ZFAT: variants seen among roughly 807,000 people sequenced by gnomAD.
ZFAT encodes zinc finger protein ZFAT.
In ZFAT, 64 loss-of-function variants were observed where a neutral mutation model predicts 117.7. That is an observed-to-expected ratio of 0.54 (90% CI 0.44 to 0.67). The LOEUF (loss-of-function observed/expected upper bound fraction) is 0.67. Among genes scored for constraint, ZFAT ranks in the 30% least tolerant of loss-of-function variants. The pLI, the probability that ZFAT is intolerant of heterozygous loss-of-function variation, is 0.00. For missense variants in ZFAT, 1,433 were observed against 1,584.5 expected, an observed-to-expected ratio of 0.90 and a Z score of 1.62; for synonymous variants, 679 against 615.0, an observed-to-expected ratio of 1.10 and a Z score of -1.54.
At chr8:134,819,374 A>T in the ZFAT span, among the ~76,000 whole-genome samples, 5 of 152,098 alleles carry the variant, frequency 3.3e-5, no homozygotes, top group East Asian at 9.6e-4. Flanking sequence ...AAGAAAAGTA[A>T]TCACTTTTAA....
At chr8:134,590,186 T>A in intron 8 of ZFAT, 82 bp downstream of exon 8, 1 of 1,029,784 alleles carries the variant, frequency 9.7e-7, no homozygotes, top group Non-Finnish European at 1.5e-6. Flanking sequence ...TTCTATATAG[T>A]GCAGTTAATG....
At chr8:134,738,156 G>A in the ZFAT span, among the ~76,000 whole-genome samples, 1 of 152,122 alleles carries the variant, frequency 6.6e-6, no homozygotes, top group Non-Finnish European at 1.5e-5. Flanking sequence ...CACATAAAAT[G>A]ATTTAGAGAC....
At chr8:134,524,820 C>T (rs779598905) in intron 12 of ZFAT, among the ~76,000 whole-genome samples, 1 of 152,222 alleles carries the variant, frequency 6.6e-6, no homozygotes, top group African/African-American at 2.4e-5. Flanking sequence ...ATACTCTTCA[C>T]TCTTTATCTT....
At chr8:134,665,822 T>C (rs1329937096) in intron 1 of ZFAT, among the ~76,000 whole-genome samples, 1 of 151,836 alleles carries the variant, frequency 6.6e-6, no homozygotes, top group Non-Finnish European at 1.5e-5. Flanking sequence ...CCCACTGGGG[T>C]CTCCAGAGCC....
At chr8:134,626,710 C>T (rs193075140) in intron 3 of ZFAT, among the ~76,000 whole-genome samples, 7 of 152,358 alleles carry the variant, frequency 4.6e-5, no homozygotes, top group African/African-American at 1.7e-4. Context: ...GCAGTTTGCT[C>T]ATCCAGGCCC....
chr8:134,804,680 C>T, the ZFAT span, among the ~76,000 whole-genome samples: 2 of 152,184 alleles, frequency 1.3e-5, no homozygotes, highest in African/African-American at 4.8e-5. Flanking sequence ...AGCAGCAGCA[C>T]GCTAAGTCTG....
intron 7 of ZFAT, among the ~76,000 whole-genome samples, chr8:134,590,710 C>T (rs1346203532): frequency 8.0e-6 from 1 of 124,516 alleles, no homozygotes; most frequent in Non-Finnish European, 1.7e-5. Context: ...CCACGACCAC[C>T]ATCACCATTA....
At chr8:134,616,891 T>C (rs1045331873) in intron 3 of ZFAT, among the ~76,000 whole-genome samples, 2 of 152,034 alleles carry the variant, frequency 1.3e-5, no homozygotes, top group Non-Finnish European at 2.9e-5. Context: ...AAATCACTCA[T>C]AAAAAATAAA....
intron 15 of ZFAT, among the ~76,000 whole-genome samples, chr8:134,493,879 T>C (rs868629837): frequency 1.3e-5 from 2 of 152,342 alleles, no homozygotes; most frequent in African/African-American, 4.8e-5. Context: ...AATTGAATTA[T>C]TCAAATGTGG....
At chr8:134,553,732 C>T (rs868340329) in intron 11 of ZFAT, among the ~76,000 whole-genome samples, 4 of 152,136 alleles carry the variant, frequency 2.6e-5, no homozygotes, top group Non-Finnish European at 4.4e-5. Flanking sequence ...GTGACAAGCC[C>T]TCTTTATTTA....
At chr8:134,580,081 G>T (rs552573529) in intron 10 of ZFAT, among the ~76,000 whole-genome samples, 1 of 151,904 alleles carries the variant, frequency 6.6e-6, no homozygotes, top group Non-Finnish European at 1.5e-5. Context: ...GCAGGAGGCC[G>T]CCAGGCAAAC....
At chr8:134,612,255 G>C (rs1242162081) in intron 3 of ZFAT, among the ~76,000 whole-genome samples, 1 of 152,256 alleles carries the variant, frequency 6.6e-6, no homozygotes, top group Non-Finnish European at 1.5e-5. Context: ...GCAAGCGCAA[G>C]GTGGGGGTCC....
chr8:134,587,463 A>C (rs1288401350), intron 9 of ZFAT, among the ~76,000 whole-genome samples: 2 of 152,044 alleles, frequency 1.3e-5, no homozygotes, highest in Non-Finnish European at 2.9e-5. Flanking sequence ...TATTATAGAA[A>C]ATACTTCATC....
chr8:134,638,978 A>T (rs1421435275), intron 2 of ZFAT, among the ~76,000 whole-genome samples: 1 of 152,156 alleles, frequency 6.6e-6, no homozygotes, highest in African/African-American at 2.4e-5. Context: ...AGATTCTGGC[A>T]CCATCTTGGG....
the ZFAT span, among the ~76,000 whole-genome samples, chr8:134,783,312 G>A: frequency 6.6e-6 from 1 of 152,198 alleles, no homozygotes; most frequent in East Asian, 1.9e-4. Flanking sequence ...CACAGCAGGT[G>A]ACTGATGGCC....
chr8:134,821,626 T>TA, the ZFAT span, among the ~76,000 whole-genome samples: 1 of 152,020 alleles, frequency 6.6e-6, no homozygotes, highest in Non-Finnish European at 1.5e-5. Flanking sequence ...TTCAAATACT[T>TA]AAGAGTTATT....
chr8:134,655,118 G>A (rs76745286), intron 2 of ZFAT, among the ~76,000 whole-genome samples: 2,167 of 152,246 alleles, frequency 0.014, 53 homozygotes, highest in African/African-American at 0.048. Flanking sequence ...TCGGGGAACC[G>A]TGGCTGTAGA....
intron 10 of ZFAT, among the ~76,000 whole-genome samples, chr8:134,579,838 C>T (rs572892648): frequency 5.1e-4 from 78 of 151,694 alleles, no homozygotes; most frequent in Non-Finnish European, 7.9e-4. Flanking sequence ...GTAATCCCAG[C>T]TATGGTGGGA....
the ZFAT span, among the ~76,000 whole-genome samples, chr8:134,720,793 C>T: frequency 1.3e-5 from 2 of 152,350 alleles, no homozygotes; most frequent in South Asian, 2.1e-4. Context: ...GAGGTAGCTG[C>T]TATGGGAGTG....
Sources: gnomAD v4.1 joint callset for allele counts (sites outside exome capture counted in the v4.1 genomes callset) on GRCh38, gnomAD v4.1.1 for gene constraint, MANE v1.5 for transcripts, NCBI Gene and HGNC (gene_info 2026-07-23, HGNC 2026-07-21) for gene names.